The following PTPRT variants were observed in gnomAD, a reference collection of about 807,000 sequenced individuals.
PTPRT encodes the protein receptor-type tyrosine-protein phosphatase T.
PTPRT carries 56 observed loss-of-function variants against 176.8 expected under a neutral mutation model. The ratio of observed to expected loss-of-function variants is 0.32; its 90% CI spans 0.26 to 0.40. The LOEUF is 0.40. PTPRT is among the 10% of genes least tolerant of loss of function. PTPRT has a pLI of 1.00. For missense variants in PTPRT, 1,540 were observed against 1,908.2 expected (o/e 0.81, Z 3.60); for synonymous variants, 783 against 739.0 (o/e 1.06, Z -0.96).
chr20:42,958,858 A>G (rs770550151), intron 1 of PTPRT, among the ~76,000 whole-genome samples: 3 of 152,130 alleles, frequency 2.0e-5, no homozygotes, highest in Non-Finnish European at 2.9e-5. Flanking sequence ...CAAGGTGGCA[A>G]CTCTGCCTCT....
intron 1 of PTPRT, among the ~76,000 whole-genome samples, chr20:42,972,145 T>G (rs1982681627): frequency 6.9e-6 from 1 of 143,950 alleles, no homozygotes; most frequent in Non-Finnish European, 1.6e-5. Flanking sequence ...TGGAATGCCA[T>G]GCCTCCCCTC....
chr20:42,121,805 T>C (rs1987607497), intron 19 of PTPRT, among the ~76,000 whole-genome samples: 2 of 151,542 alleles, frequency 1.3e-5, no homozygotes, highest in African/African-American at 4.8e-5. Context: ...TATATATGTG[T>C]ACCATGGAAT....
At chr20:42,274,984 C>T (rs1349710605) in intron 13 of PTPRT, among the ~76,000 whole-genome samples, 1 of 152,154 alleles carries the variant, frequency 6.6e-6, no homozygotes, top group Non-Finnish European at 1.5e-5. Flanking sequence ...ATAGTATTAA[C>T]ACAATGGAAT....
chr20:42,433,291 GA>G (rs1350696791), intron 9 of PTPRT, among the ~76,000 whole-genome samples: 2 of 150,762 alleles, frequency 1.3e-5, no homozygotes, highest in East Asian at 3.9e-4. Flanking sequence ...TTATACTGCA[GA>G]AAAAAAAAGA....
intron 15 of PTPRT, among the ~76,000 whole-genome samples, chr20:42,214,662 C>T (rs2055726284): frequency 6.6e-6 from 1 of 152,220 alleles, no homozygotes; most frequent in African/African-American, 2.4e-5. Context: ...ACCTCTCTGG[C>T]CTGGATGGGC....
intron 13 of PTPRT, among the ~76,000 whole-genome samples, chr20:42,269,292 GGCA>G: frequency 6.6e-6 from 1 of 152,326 alleles, no homozygotes; most frequent in Admixed American, 6.5e-5. Context: ...GAAACAGGGT[GGCA>G]GGAGTGAACT....
intron 7 of PTPRT, among the ~76,000 whole-genome samples, chr20:42,548,909 C>T (rs2072720872): frequency 6.6e-6 from 1 of 152,144 alleles, no homozygotes; most frequent in Non-Finnish European, 1.5e-5. Context: ...ACACAATGTA[C>T]AGTCATTTAC....
chr20:42,251,637 G>A (rs6124434), intron 13 of PTPRT, among the ~76,000 whole-genome samples: 1 of 151,506 alleles, frequency 6.6e-6, no homozygotes, highest in East Asian at 1.9e-4. Flanking sequence ...GCTGTAACCA[G>A]GCAAAGGGAC....
chr20:42,921,153 G>C (rs1979121534), intron 1 of PTPRT, among the ~76,000 whole-genome samples: 1 of 152,070 alleles, frequency 6.6e-6, no homozygotes, highest in Non-Finnish European at 1.5e-5. Context: ...AGCAGGGGCT[G>C]GACATTAAAA....
chr20:42,656,595 T>C (rs2075129289), intron 7 of PTPRT, among the ~76,000 whole-genome samples: 1 of 152,142 alleles, frequency 6.6e-6, no homozygotes. Flanking sequence ...CTGACCCAAT[T>C]TTTGAAGAAC....
rs1343600078 is a variant in PTPRT, at chr20:42,078,172, C to T, written c.*2707G>A. On this transcript the variant is annotated 3_prime_UTR_variant, in exon 31 of 31. Transcript: ENST00000373187. ...GGAGAGGCTCATCAAAGGAAAAGAG[C>T]AAGTTCATCGTGGGGTTCCTTTGCT... 8 of 191,944 alleles carry T rather than the reference C, an allele frequency of 4.2e-5. No homozygotes were observed. The highest frequency in any genetic ancestry group is 1.9e-4 in the South Asian group (1 of 5,144). The allele number at this position is 191,944 out of a possible 1,614,324, so 11.9% of individuals were successfully genotyped here.
chr20:42,297,133 G>A (rs1021631193), intron 12 of PTPRT, among the ~76,000 whole-genome samples: 13 of 152,044 alleles, frequency 8.6e-5, no homozygotes, highest in African/African-American at 3.1e-4. Context: ...AACTAAAAAA[G>A]TATTACACAT....
intron 4 of PTPRT, among the ~76,000 whole-genome samples, chr20:42,772,587 C>G (rs954691065): frequency 1.3e-5 from 2 of 152,186 alleles, no homozygotes; most frequent in East Asian, 1.9e-4. Context: ...AGTAACAGCT[C>G]TCCATTGGCT....
At chr20:42,780,370 C>T (rs2077197689) in intron 3 of PTPRT, 71 bp from the exon 4 acceptor site, 1 of 1,196,896 alleles carries the variant, frequency 8.4e-7, no homozygotes, top group Non-Finnish European at 1.2e-6. Flanking sequence ...AGCTGCCCGG[C>T]CCCCAGCCCT....
chr20:42,862,720 T>C (rs1382739110), intron 2 of PTPRT, among the ~76,000 whole-genome samples: 3 of 152,194 alleles, frequency 2.0e-5, no homozygotes, highest in Non-Finnish European at 4.4e-5. Flanking sequence ...ATGAGTGTAA[T>C]TGCATTTATT....
chr20:43,107,180 T>C (rs2012651671), intron 1 of PTPRT, among the ~76,000 whole-genome samples: 1 of 152,108 alleles, frequency 6.6e-6, no homozygotes, highest in Non-Finnish European at 1.5e-5. Flanking sequence ...TCAAGTGAAA[T>C]GAAGATGCCA....
chr20:42,312,097 T>C (rs1183555760), intron 12 of PTPRT, among the ~76,000 whole-genome samples: 4 of 152,240 alleles, frequency 2.6e-5, no homozygotes, highest in Admixed American at 2.6e-4. Context: ...TGTAACACAC[T>C]TAGAGCCATT....
intron 7 of PTPRT, among the ~76,000 whole-genome samples, chr20:42,505,667 C>A (rs1601148939): frequency 6.6e-6 from 1 of 152,182 alleles, no homozygotes; most frequent in East Asian, 1.9e-4. Flanking sequence ...GTTGAAATGA[C>A]AGAATTTTAG....
chr20:42,397,002 C>T (rs888560122), intron 9 of PTPRT, among the ~76,000 whole-genome samples: 4 of 152,186 alleles, frequency 2.6e-5, no homozygotes, highest in Admixed American at 2.6e-4. Context: ...GTGGCCAGTA[C>T]ACCCTGTCCC....
Sources: allele counts gnomAD v4.1 joint callset (sites outside exome capture counted in the v4.1 genomes callset), GRCh38; gene constraint gnomAD v4.1.1; transcripts MANE v1.5; gene names NCBI Gene and HGNC (gene_info 2026-07-23, HGNC 2026-07-21).